The following FAM120C variants were observed in gnomAD, a reference collection of about 807,000 sequenced individuals.
FAM120C encodes family with sequence similarity 120 member C, also known as constitutive coactivator of PPAR-gamma-like protein 2.
A neutral mutation model predicts 71.2 loss-of-function variants in FAM120C; 14 were observed. That is an observed-to-expected ratio of 0.20 (90% CI 0.13 to 0.31). FAM120C has a LOEUF of 0.31. Among genes scored for constraint, FAM120C ranks in the 10% least tolerant of loss-of-function variants. FAM120C has a pLI of 1.00. For synonymous variants in FAM120C, 354 were observed against 353.2 expected, an observed-to-expected ratio of 1.00 and a Z score of -0.03; for missense variants, 500 against 879.0, an observed-to-expected ratio of 0.57 and a Z score of 5.45.
At chrX:54,167,114 C>A (rs1206095476) in intron 1 of FAM120C, among the ~76,000 whole-genome samples, 5 of 111,978 alleles carry the variant, frequency 4.5e-5, no homozygotes, top group African/African-American at 1.6e-4. Flanking sequence ...TTAACAAGAA[C>A]CCCAGATGAT....
intron 1 of FAM120C, among the ~76,000 whole-genome samples, chrX:54,175,614 T>C (rs1557136569): frequency 9.0e-6 from 1 of 110,782 alleles, no homozygotes. Flanking sequence ...GCTCAAGCAA[T>C]CCTCCTGCCT....
At chrX:54,155,663 T>A (rs868991889) in intron 3 of FAM120C, among the ~76,000 whole-genome samples, 4 of 106,347 alleles carry the variant, frequency 3.8e-5, no homozygotes, top group African/African-American at 1.0e-4. Flanking sequence ...GAGGCTTTTT[T>A]AAAAAAAAAA....
At chrX:54,124,656 G>T (rs1218162816) in intron 9 of FAM120C, among the ~76,000 whole-genome samples, 1 of 105,014 alleles carries the variant, frequency 9.5e-6, no homozygotes, top group Admixed American at 1.0e-4. Flanking sequence ...ACCTCAGATG[G>T]AAATGCAGAA....
intron 9 of FAM120C, among the ~76,000 whole-genome samples, chrX:54,128,041 A>C (rs782588403): frequency 9.0e-6 from 1 of 111,643 alleles, no homozygotes; most frequent in East Asian, 2.8e-4. Context: ...TCCTACCAAC[A>C]GTATATAAGC....
chrX:54,080,341 C>G, intron 14 of FAM120C, 52 bp from the exon 15 acceptor site: 1 of 1,012,851 alleles, frequency 9.9e-7, no homozygotes, highest in Non-Finnish European at 1.4e-6. Context: ...GCCCACACAC[C>G]CCTTTTCACT....
At position 54,089,712 on chromosome X, in the gene FAM120C, A is replaced by C. The variant is rs914646397; in HGVS notation, c.2427+1600T>G. Reference sequence around the variant, plus strand: ...CATGGTGGCTCATGCCTGTAATCCCAGCACTTTGGGAGGTCAAGGTGGGCG... The same window carrying C: ...CATGGTGGCTCATGCCTGTAATCCCCGCACTTTGGGAGGTCAAGGTGGGCG... On this transcript the variant is annotated intron_variant, in intron 11 of 15. Transcript: ENST00000375180. 9.9e-5 allele frequency among the ~76,000 whole-genome samples: 11 copies of C among 111,068 alleles called. 1 individual carries two copies. The highest frequency in any genetic ancestry group is 1.9e-5 in the Non-Finnish European group (1 of 53,019).
At chrX:54,142,136 G>GAA (rs1157191922) in intron 4 of FAM120C, among the ~76,000 whole-genome samples, 1 of 111,853 alleles carries the variant, frequency 8.9e-6, no homozygotes, top group East Asian at 2.8e-4. Context: ...GGCCAAATAG[G>GAA]AACAGCTCCA....
intron 4 of FAM120C, 102 bp downstream of exon 4, chrX:54,151,143 G>T: frequency 1.1e-6 from 1 of 950,233 alleles, no homozygotes; most frequent in Non-Finnish European, 1.5e-6. Context: ...AAGACAAGCA[G>T]CTAGGAAAAC....
At chrX:54,159,715 T>C in intron 1 of FAM120C, 99 bp from the exon 2 acceptor site, 1 of 960,643 alleles carries the variant, frequency 1.0e-6, no homozygotes, top group Non-Finnish European at 1.4e-6. Flanking sequence ...TTGGTGAAAT[T>C]TGAAATTGTA....
chrX:54,073,732 G>A (rs782085279), intron 15 of FAM120C, among the ~76,000 whole-genome samples: 6 of 110,884 alleles, frequency 5.4e-5, no homozygotes, highest in Non-Finnish European at 9.4e-5. Context: ...ACACCCAGCC[G>A]GATACCTAGT....
At chrX:54,076,295 C>T (rs150369124) in intron 15 of FAM120C, among the ~76,000 whole-genome samples, 127 of 106,003 alleles carry the variant, frequency 1.2e-3, no homozygotes, top group African/African-American at 4.1e-3. Context: ...GCTGACATCG[C>T]GCCAGCCTGA....
intron 1 of FAM120C, among the ~76,000 whole-genome samples, chrX:54,177,658 TG>T (rs782226698): frequency 9.0e-6 from 1 of 111,415 alleles, no homozygotes; most frequent in East Asian, 2.8e-4. Context: ...AAAGATGTGT[TG>T]AAAGCTCATG....
At position 54,152,054 on chromosome X, in the gene FAM120C, G is replaced by A. The variant is rs143680105; in HGVS notation, c.1030-681C>T. Among the ~76,000 whole-genome samples, 157 of 105,310 alleles carry A rather than the reference G, an allele frequency of 1.5e-3. 2 individuals carry two copies. The East Asian group carries it at 0.034, about 23-fold the overall frequency. 91.4% of individuals were successfully genotyped at this position (105,310 alleles called of 115,157 possible). A position where few individuals can be genotyped will look rare whatever the true frequency, so the allele number is the denominator to read the frequency against. ...TTTTTTTGAGACAGAGTCTCACTCT[G>A]TCATCCAGGCTGGAGTGTAGTGGTG... On this transcript the variant is annotated intron_variant, in intron 3 of 15. Transcript: ENST00000375180.
intron 10 of FAM120C, among the ~76,000 whole-genome samples, chrX:54,108,374 T>C (rs1557125155): frequency 9.1e-6 from 1 of 110,150 alleles, no homozygotes; most frequent in East Asian, 2.9e-4. Context: ...ATCTATAAAT[T>C]CAATTCAATG....
At chrX:54,091,763 T>C (rs1201192547) in intron 10 of FAM120C, among the ~76,000 whole-genome samples, 1 of 111,780 alleles carries the variant, frequency 8.9e-6, no homozygotes, top group African/African-American at 3.3e-5. Flanking sequence ...AAAGGGCCTG[T>C]AGAATTTAGT....
At chrX:54,146,155 C>T (rs184337291) in intron 4 of FAM120C, among the ~76,000 whole-genome samples, 5 of 94,622 alleles carry the variant, frequency 5.3e-5, no homozygotes, top group Admixed American at 4.8e-4. Flanking sequence ...CGGGGCCTCT[C>T]GTGGGGTGGG....
chrX:54,091,339 A>G lies in FAM120C; in HGVS notation c.2400T>C (p.Tyr800=), dbSNP rs190806329. ...TGAGTTCTTGGAGTCGATCTGGTTC[A>G]TAAAGCTGGGTAGACACTGCCTGTG... ...FLAQAVSTQL[Y]EPDRLQELKI... Residue 800 remains tyrosine (Y), a synonymous_variant, in exon 11 of 16, where the codon TAT becomes TAC. Transcript: ENST00000375180. 4.1e-6 allele frequency: 5 copies of G among 1,208,143 alleles called. No homozygotes were observed. The East Asian group carries it at 1.5e-4, about 36-fold the overall frequency.
chrX:54,135,478 G>A (rs2067089900), intron 6 of FAM120C, 50 bp downstream of exon 6: 1 of 1,094,567 alleles, frequency 9.1e-7, no homozygotes, highest in African/African-American at 1.8e-5. Flanking sequence ...ATAAAAATCA[G>A]GAAGCAACCT....
intron 1 of FAM120C, among the ~76,000 whole-genome samples, chrX:54,168,289 G>A (rs1221144544): frequency 4.5e-5 from 5 of 111,206 alleles, no homozygotes; most frequent in East Asian, 5.7e-4. Flanking sequence ...GGTGTGCACC[G>A]CCATGCCTGG....
Sources: allele counts gnomAD v4.1 joint callset (sites outside exome capture counted in the v4.1 genomes callset), GRCh38; gene constraint gnomAD v4.1.1; transcripts MANE v1.5; gene names NCBI Gene and HGNC (gene_info 2026-07-23, HGNC 2026-07-21).